NHSL2: variants seen among roughly 807,000 people sequenced by gnomAD.
NHSL2 encodes the protein NHS-like protein 2.
In NHSL2, 27 loss-of-function variants were observed where a neutral mutation model predicts 53.4. The observed-to-expected ratio is 0.51, with a 90% CI of 0.37 to 0.70. The LOEUF (loss-of-function observed/expected upper bound fraction) is 0.70, where lower values mean the gene tolerates loss of function less well. NHSL2 is among the 30% of genes least tolerant of loss of function. The pLI is 0.00. For synonymous variants in NHSL2, 408 were observed against 404.1 expected (o/e 1.01, Z -0.12); for missense variants, 892 against 980.1 (o/e 0.91, Z 1.20).
intron 1 of NHSL2, among the ~76,000 whole-genome samples, chrX:71,965,664 T>C (rs2041897803): frequency 8.9e-6 from 1 of 112,190 alleles, no homozygotes. Context: ...GGGATTTTGA[T>C]TGGAATTGTA....
chrX:72,070,591 C>CTATCTA (rs2042462199), intron 1 of NHSL2, among the ~76,000 whole-genome samples: 1 of 111,457 alleles, frequency 9.0e-6, no homozygotes, highest in South Asian at 3.8e-4. Context: ...TCTTACCCTC[C>CTATCTA]TATCTACCCC....
chrX:72,139,671 T>C lies in NHSL2; in HGVS notation c.2123T>C (p.Leu708Pro). Residue 708 changes from leucine (L) to proline (P), a missense_variant, in exon 6 of 8, where the codon CTG (leucine) becomes CCG (proline). Leu to Pro is a moderately conservative substitution (Grantham distance 98). Coordinates refer to ENST00000633930, the MANE Select transcript of NHSL2 (RefSeq NM_001013627.3). ...EISSPGRPPG[L>P]MSPSSGYSSQ... ...TCATCCCCGGGAAGGCCCCCTGGAC[T>C]GATGTCACCCTCCAGTGGCTACTCC... 1 of 1,211,403 alleles carries C rather than the reference T, an allele frequency of 8.3e-7. No individual in the cohort carries two copies. Among genetic ancestry groups the C allele is most frequent in the Non-Finnish European group, 1.1e-6 (1 of 895,255 alleles).
chrX:72,067,131 A>G (rs1020055610), intron 1 of NHSL2, among the ~76,000 whole-genome samples: 1 of 111,405 alleles, frequency 9.0e-6, no homozygotes, highest in Non-Finnish European at 1.9e-5. Context: ...TGACAGAGCA[A>G]GACCCTGTCT....
chrX:72,092,134 G>A (rs2041905576), intron 1 of NHSL2, among the ~76,000 whole-genome samples: 1 of 111,710 alleles, frequency 9.0e-6, no homozygotes, highest in Admixed American at 9.5e-5. Context: ...TTCAGGTTGC[G>A]AGAACAAAGG....
At chrX:71,971,173 A>T (rs2041923416) in intron 1 of NHSL2, among the ~76,000 whole-genome samples, 1 of 111,109 alleles carries the variant, frequency 9.0e-6, no homozygotes, top group East Asian at 2.8e-4. Context: ...TTAACTTTTT[A>T]AAAAAGTTTT....
At chrX:72,025,173 C>A (rs1434675482) in intron 1 of NHSL2, among the ~76,000 whole-genome samples, 1 of 111,824 alleles carries the variant, frequency 8.9e-6, no homozygotes, top group Non-Finnish European at 1.9e-5. Context: ...CACAATGTAC[C>A]CTATAAATAT....
At chrX:71,937,387 G>A (rs1378100416) in intron 1 of NHSL2, among the ~76,000 whole-genome samples, 1 of 111,805 alleles carries the variant, frequency 8.9e-6, no homozygotes, top group African/African-American at 3.3e-5. Context: ...CTGGACCAAA[G>A]GACCTAGAAC....
chrX:72,026,162 T>C (rs759060243), intron 1 of NHSL2, among the ~76,000 whole-genome samples: 286 of 112,237 alleles, frequency 2.5e-3, no homozygotes, highest in Middle Eastern at 4.6e-3. Context: ...CCCTGATGTA[T>C]AGACAGCAGG....
At chrX:72,136,468 AAAAG>A (rs1191707161) in intron 4 of NHSL2, among the ~76,000 whole-genome samples, 5 of 112,115 alleles carry the variant, frequency 4.5e-5, no homozygotes, top group South Asian at 3.7e-4. Context: ...TGCCAGGAAA[AAAAG>A]AGAGAGAGAG....
At chrX:72,010,831 A>G (rs898131625) in intron 1 of NHSL2, among the ~76,000 whole-genome samples, 1 of 112,070 alleles carries the variant, frequency 8.9e-6, no homozygotes, top group African/African-American at 3.2e-5. Context: ...ACAATATACA[A>G]GCAGGGTGTT....
At chrX:72,141,914 G>A (rs889809296) in intron 6 of NHSL2, among the ~76,000 whole-genome samples, 2 of 111,764 alleles carry the variant, frequency 1.8e-5, no homozygotes, top group African/African-American at 6.5e-5. Flanking sequence ...GGAGTCACTA[G>A]TTTAGATCAC....
intron 1 of NHSL2, among the ~76,000 whole-genome samples, chrX:72,057,456 C>T (rs371625828): frequency 8.9e-6 from 1 of 111,850 alleles, no homozygotes; most frequent in African/African-American, 3.3e-5. Context: ...TGAGGCCTTT[C>T]GGTGCTGCTA....
At chrX:71,972,891 T>TGA (rs1234720205) in intron 1 of NHSL2, among the ~76,000 whole-genome samples, 5 of 109,857 alleles carry the variant, frequency 4.6e-5, no homozygotes. Context: ...TGTGTGTGTG[T>TGA]GTGTGTGTGT....
chrX:72,094,575 C>T (rs1360710804), intron 1 of NHSL2, among the ~76,000 whole-genome samples: 1 of 110,570 alleles, frequency 9.0e-6, no homozygotes, highest in African/African-American at 3.3e-5. Flanking sequence ...CCAGAGCCCA[C>T]CCTTTTGTTC....
Position 72,147,316 on chromosome X carries a change from T to C in NHSL2, c.*3742T>C, listed in dbSNP as rs1475023019. ...GAGCGAGGCACCTAGGGCGTAAAAT[T>C]CAAAGAGGTGCCCGCTCTCAGGGCC... On this transcript the variant is annotated 3_prime_UTR_variant, in exon 8 of 8. Coordinates refer to ENST00000633930, the MANE Select transcript of NHSL2 (RefSeq NM_001013627.3). 1 of 111,842 alleles carries C rather than the reference T, an allele frequency of 8.9e-6. No homozygotes were observed. The highest frequency in any genetic ancestry group is 1.9e-5 in the Non-Finnish European group (1 of 53,155). 9.2% of individuals were successfully genotyped at this position (111,842 alleles called of 1,213,427 possible). A position where few individuals can be genotyped will look rare whatever the true frequency, so the allele number is the denominator to read the frequency against.
Position 71,981,317 on chromosome X carries a change from G to A in NHSL2, c.280+69950G>A, listed in dbSNP as rs182921874. Among the ~76,000 whole-genome samples the A allele has an allele frequency of 1.3e-3, 151 of 111,896 alleles. 1 individual carries two copies. The highest frequency in any genetic ancestry group is 4.5e-3 in the African/African-American group (139 of 30,886). The stretch of plus-strand genomic sequence containing the variant: ...TAATCCCAGCACTTTGGGCCAAGGC[G>A]GGTGGATCACTTGAGGTCAGGAGTT... On this transcript the variant is annotated intron_variant, in intron 1 of 7. Transcript: ENST00000633930.
chrX:72,103,773 C>T (rs946495201), intron 1 of NHSL2, among the ~76,000 whole-genome samples: 4 of 112,299 alleles, frequency 3.6e-5, no homozygotes, highest in African/African-American at 1.3e-4. Context: ...GAGAAGATAC[C>T]CTCCCAGGGC....
At position 71,977,428 on chromosome X, in the gene NHSL2, T is replaced by TTC. The variant is rs1331416033; in HGVS notation, c.280+66062_280+66063insCT. On this transcript the variant is annotated intron_variant, in intron 1 of 7. Transcript: ENST00000633930. ...CTTGGTGGCAGTCTCTCTCTCTCTT[T>TTC]TTTTTTTTTTTTTGACAGCGCCTCA... Among the ~76,000 whole-genome samples, 8 of 105,976 alleles carry TTC rather than the reference T, an allele frequency of 7.5e-5. No homozygotes were observed. The East Asian group carries it at 2.4e-3, about 31-fold the overall frequency. The allele number at this position is 105,976 out of a possible 115,157, so 92.0% of individuals were successfully genotyped here. A position where few individuals can be genotyped will look rare whatever the true frequency, so the allele number is the denominator to read the frequency against.
rs1319525169 is a variant in NHSL2, at chrX:72,044,595, C to T, written c.281-87484C>T. 22 of 1,085,116 alleles carry T rather than the reference C, an allele frequency of 2.0e-5. No homozygotes were observed. The Admixed American group carries it at 2.2e-4, about 11-fold the overall frequency. The allele number at this position is 1,085,116 out of a possible 1,213,427, so 89.4% of individuals were successfully genotyped here. A position where few individuals can be genotyped will look rare whatever the true frequency, so the allele number is the denominator to read the frequency against. ...GTCATGCCAAAAAGGGCCGCGGCCA[C>T]GTGCAGCCTATTCGCTGCACTAACT... is the stretch of plus-strand genomic sequence containing the variant. On this transcript the variant is annotated intron_variant, in intron 1 of 7. Coordinates refer to ENST00000633930, the MANE Select transcript of NHSL2 (RefSeq NM_001013627.3).
Sources: gnomAD v4.1 joint callset for allele counts (sites outside exome capture counted in the v4.1 genomes callset) on GRCh38, gnomAD v4.1.1 for gene constraint, MANE v1.5 for transcripts, NCBI Gene and HGNC (gene_info 2026-07-23, HGNC 2026-07-21) for gene names.